SLC9A9: variants seen among roughly 807,000 people sequenced by gnomAD.
The protein encoded by SLC9A9 is solute carrier family 9 member A9, also known as sodium/hydrogen exchanger 9.
Under a neutral mutation model 77.8 loss-of-function variants are expected in SLC9A9, and 62 were observed. That is an observed-to-expected ratio of 0.80 (90% CI 0.65 to 0.98). The LOEUF is 0.98. Among genes scored for constraint, SLC9A9 ranks in the 50% least tolerant of loss-of-function variants. The pLI is 0.00. For missense variants in SLC9A9, 775 were observed against 774.9 expected (o/e 1.00, Z 0.00); for synonymous variants, 320 against 283.5 (o/e 1.13, Z -1.29).
At chr3:143,314,925 G>A (rs2108440702) in intron 14 of SLC9A9, among the ~76,000 whole-genome samples, 1 of 152,346 alleles carries the variant, frequency 6.6e-6, no homozygotes. Context: ...TCAATAGTGA[G>A]TAACTGATGG....
At chr3:143,462,570 C>T (rs1254835024) in intron 12 of SLC9A9, among the ~76,000 whole-genome samples, 1 of 152,040 alleles carries the variant, frequency 6.6e-6, no homozygotes, top group African/African-American at 2.4e-5. Flanking sequence ...TTCTAAATTC[C>T]TGTAATTGAG....
At chr3:143,611,823 T>A (rs980239089) in intron 6 of SLC9A9, among the ~76,000 whole-genome samples, 3 of 152,152 alleles carry the variant, frequency 2.0e-5, no homozygotes, top group African/African-American at 7.2e-5. Context: ...AGTCCCGACC[T>A]CCTGGGTCTA....
chr3:143,371,514 G>A (rs78862588), intron 13 of SLC9A9, among the ~76,000 whole-genome samples: 103 of 152,278 alleles, frequency 6.8e-4, no homozygotes, highest in African/African-American at 2.2e-3. Context: ...ATGGGAGGAA[G>A]CAGGAAAGCA....
chr3:143,405,515 C>T (rs1019255801), intron 12 of SLC9A9, among the ~76,000 whole-genome samples: 1 of 152,178 alleles, frequency 6.6e-6, no homozygotes. Context: ...GAAATGGCAC[C>T]TCTGTCTATG....
intron 5 of SLC9A9, among the ~76,000 whole-genome samples, chr3:143,668,043 T>C (rs945481663): frequency 1.3e-5 from 2 of 152,172 alleles, no homozygotes; most frequent in African/African-American, 2.4e-5. Context: ...CGTATGTTTA[T>C]TGTGGCACTA....
At chr3:143,631,065 A>G (rs184627569) in intron 6 of SLC9A9, among the ~76,000 whole-genome samples, 20 of 152,314 alleles carry the variant, frequency 1.3e-4, no homozygotes, top group African/African-American at 2.6e-4. Context: ...ATAAGTCCTT[A>G]AATAGAGCTC....
At chr3:143,410,680 C>A (rs1192327163) in intron 12 of SLC9A9, among the ~76,000 whole-genome samples, 1 of 152,064 alleles carries the variant, frequency 6.6e-6, no homozygotes, top group African/African-American at 2.4e-5. Flanking sequence ...CTTTACTATT[C>A]TTCTTCTAAT....
chr3:143,277,526 A>T (rs1352722047), intron 14 of SLC9A9, among the ~76,000 whole-genome samples: 1 of 152,200 alleles, frequency 6.6e-6, no homozygotes, highest in East Asian at 1.9e-4. Context: ...TACCACTATT[A>T]GGTCTTTATA....
chr3:143,728,524 A>G (rs1463629697), intron 4 of SLC9A9, among the ~76,000 whole-genome samples: 1 of 152,120 alleles, frequency 6.6e-6, no homozygotes, highest in Non-Finnish European at 1.5e-5. Flanking sequence ...GTGCCTTGCC[A>G]GTGGTGGTAA....
intron 12 of SLC9A9, among the ~76,000 whole-genome samples, chr3:143,399,604 T>C (rs752207899): frequency 6.6e-6 from 1 of 152,152 alleles, no homozygotes; most frequent in Non-Finnish European, 1.5e-5. Flanking sequence ...GAAATTATCA[T>C]GAAGACTACG....
chr3:143,328,157 AC>A (rs1339667890), intron 14 of SLC9A9, among the ~76,000 whole-genome samples: 1 of 152,210 alleles, frequency 6.6e-6, no homozygotes, highest in Non-Finnish European at 1.5e-5. Context: ...GTCAAAACCC[AC>A]GGAATGCATA....
intron 8 of SLC9A9, among the ~76,000 whole-genome samples, chr3:143,573,594 G>A (rs1414991697): frequency 6.6e-6 from 1 of 152,068 alleles, no homozygotes; most frequent in Non-Finnish European, 1.5e-5. Flanking sequence ...AAACTGTACA[G>A]CCACCACATT....
At chr3:143,372,289 A>G (rs1448444097) in intron 13 of SLC9A9, among the ~76,000 whole-genome samples, 1 of 152,236 alleles carries the variant, frequency 6.6e-6, no homozygotes, top group Non-Finnish European at 1.5e-5. Flanking sequence ...ATCTGGAGGT[A>G]TCACATTACT....
intron 6 of SLC9A9, among the ~76,000 whole-genome samples, chr3:143,589,410 C>T (rs1228776019): frequency 6.6e-6 from 1 of 152,114 alleles, no homozygotes; most frequent in Non-Finnish European, 1.5e-5. Flanking sequence ...GCATATACAA[C>T]AGTGGTCCGG....
intron 14 of SLC9A9, among the ~76,000 whole-genome samples, chr3:143,356,452 A>C (rs906703884): frequency 6.6e-6 from 1 of 152,174 alleles, no homozygotes; most frequent in African/African-American, 2.4e-5. Context: ...GATACTGTTA[A>C]AATTCCCCTG....
Position 143,831,896 on chromosome 3 carries a change from G to C in SLC9A9, c.378+123C>G, listed in dbSNP as rs556148146. 1.6e-5 allele frequency: 14 copies of C among 850,714 alleles called. No individual in the cohort carries two copies. In the East Asian group the frequency reaches 3.2e-4, roughly 20 times the overall value. The allele number at this position is 850,714 out of a possible 1,614,324, so 52.7% of individuals were successfully genotyped here. A position where few individuals can be genotyped will look rare whatever the true frequency, so the allele number is the denominator to read the frequency against. ...CCTTAGTCAATTAACGTCTCCAAAA[G>C]AGTGGTGTTAAAATAGGCATATATG... On this transcript the variant is annotated intron_variant, in intron 2 of 15. Coordinates refer to ENST00000316549, the MANE Select transcript of SLC9A9 (RefSeq NM_173653.4).
At chr3:143,364,307 C>T (rs1248461158) in intron 13 of SLC9A9, among the ~76,000 whole-genome samples, 5 of 151,446 alleles carry the variant, frequency 3.3e-5, no homozygotes, top group African/African-American at 2.4e-5. Flanking sequence ...TATCCAGTGG[C>T]GTTTTTACTG....
At chr3:143,526,865 G>T (rs1470034058) in intron 9 of SLC9A9, among the ~76,000 whole-genome samples, 1 of 152,168 alleles carries the variant, frequency 6.6e-6, no homozygotes, top group Non-Finnish European at 1.5e-5. Flanking sequence ...CAAAGTATAT[G>T]TTATTCTGTG....
intron 5 of SLC9A9, among the ~76,000 whole-genome samples, chr3:143,689,997 C>T (rs926143868): frequency 3.1e-4 from 47 of 151,778 alleles, no homozygotes; most frequent in African/African-American, 9.9e-4. Context: ...TAAAATAAAA[C>T]AAATGAACAT....
Sources: allele counts gnomAD v4.1 joint callset (sites outside exome capture counted in the v4.1 genomes callset), GRCh38; gene constraint gnomAD v4.1.1; transcripts MANE v1.5; gene names NCBI Gene and HGNC (gene_info 2026-07-23, HGNC 2026-07-21).